The following EXD1 variants were observed in gnomAD, a reference collection of about 807,000 sequenced individuals.
EXD1 encodes piRNA biogenesis protein EXD1.
EXD1 carries 63 observed loss-of-function variants against 49.1 expected under a neutral mutation model. The observed-to-expected ratio is 1.28, with a 90% CI of 1.05 to 1.58. EXD1 has a LOEUF of 1.58. Among genes scored for constraint, EXD1 ranks in the 40% most tolerant of loss-of-function variants. The pLI, the probability that EXD1 is intolerant of heterozygous loss-of-function variation, is 0.00. For synonymous variants in EXD1, 234 were observed against 239.2 expected (o/e 0.98, Z 0.20); for missense variants, 748 against 666.0 (o/e 1.12, Z -1.36).
intron 9 of EXD1, among the ~76,000 whole-genome samples, chr15:41,194,038 G>GTCT (rs1305266826): frequency 5.3e-5 from 7 of 131,250 alleles, no homozygotes; most frequent in African/African-American, 1.5e-4. Context: ...GTGAGACGGA[G>GTCT]TCTTGCTCTC....
At chr15:41,186,927 C>T (rs1343025669) in intron 11 of EXD1, among the ~76,000 whole-genome samples, 8 of 150,258 alleles carry the variant, frequency 5.3e-5, no homozygotes, top group Non-Finnish European at 8.9e-5. Flanking sequence ...GTTTCGAGCC[C>T]AGGCTGGAGT....
In EXD1 at chr15:41,192,603, T is replaced by A. The variant is rs1370116679; in HGVS notation, c.721-1018A>T. On this transcript the variant is annotated intron_variant, in intron 9 of 11. Transcript: ENST00000458580. ...AACCACTGCGCCAGGCATTTTTTTT[T>A]TTTTTTTTTTTTTTTTTTTTTTTTT... Among the ~76,000 whole-genome samples the A allele has an allele frequency of 7.8e-5, 7 of 90,074 alleles. 2 individuals are homozygous for A. The highest frequency in any genetic ancestry group is 1.5e-4 in the Non-Finnish European group (7 of 46,964). The allele number at this position is 90,074 out of a possible 152,430, so 59.1% of individuals were successfully genotyped here.
intron 6 of EXD1, among the ~76,000 whole-genome samples, chr15:41,211,268 T>G (rs2046917258): frequency 1.3e-5 from 2 of 151,908 alleles, no homozygotes; most frequent in African/African-American, 4.8e-5. Flanking sequence ...TGTGCCACCA[T>G]GCCCAGCTAA....
In EXD1 at chr15:41,189,920, C is replaced by CA. The variant is rs1424241380; in HGVS notation, c.1056+16dup. ...GAAGGCAGAAAGGAGGTCCTGAAGA[C>CA]AGAGAGCTGCACCTACCTCAGTGCC... On this transcript the variant is annotated intron_variant, in intron 11 of 11. Transcript: ENST00000458580. 1 of 1,609,800 alleles carries CA rather than the reference C, an allele frequency of 6.2e-7. No homozygotes were observed. Among genetic ancestry groups the CA allele is most frequent in the Admixed American group, 1.7e-5 (1 of 59,844 alleles).
chr15:41,212,188 G>A (rs1370162773), intron 6 of EXD1, among the ~76,000 whole-genome samples: 2 of 152,118 alleles, frequency 1.3e-5, no homozygotes, highest in Admixed American at 6.6e-5. Flanking sequence ...AGTGGCTCAC[G>A]CCTGTAGTCC....
At position 41,195,765 on chromosome 15, in the gene EXD1, C is replaced by T. The variant is rs202195861; in HGVS notation, c.720+10G>A. The T allele has an allele frequency of 8.7e-6, 14 of 1,608,564 alleles. No homozygotes were observed. Among genetic ancestry groups the T allele is most frequent in the Non-Finnish European group, 1.2e-5 (14 of 1,177,958 alleles). On this transcript the variant is annotated intron_variant, in intron 9 of 11. Transcript: ENST00000458580. ...ATACTGGTTTGAATCCAGTGCTTCC[C>T]TTCATGTACCTGTGTGTCAAAGACA...
chr15:41,213,411 G>A (rs1012423632), intron 6 of EXD1, among the ~76,000 whole-genome samples: 2 of 151,894 alleles, frequency 1.3e-5, no homozygotes, highest in African/African-American at 4.8e-5. Context: ...ATGTTGGTCG[G>A]GCTGGTCTCA....
intron 7 of EXD1, among the ~76,000 whole-genome samples, chr15:41,208,520 A>G (rs1321068433): frequency 6.6e-6 from 1 of 152,000 alleles, no homozygotes. Context: ...TGGGAGGCCG[A>G]GGTGGGTGGA....
At chr15:41,206,463 G>C in intron 7 of EXD1, among the ~76,000 whole-genome samples, 1 of 120,932 alleles carries the variant, frequency 8.3e-6, no homozygotes, top group South Asian at 2.9e-4. Context: ...GCAACAGAGA[G>C]ACCCTGTCTC....
chr15:41,218,872 T>C (rs1301250352), intron 3 of EXD1, among the ~76,000 whole-genome samples: 1 of 152,174 alleles, frequency 6.6e-6, no homozygotes, highest in East Asian at 1.9e-4. Context: ...TTTGGTAAGA[T>C]TTTCATTTCC....
chr15:41,191,309 G>A (rs1354466110), intron 10 of EXD1, 133 bp downstream of exon 10: 1 of 750,390 alleles, frequency 1.3e-6, no homozygotes, highest in Non-Finnish European at 2.1e-6. Context: ...ATTCCCATTT[G>A]GTACAGTTAA....
At chr15:41,209,624 G>T in intron 6 of EXD1, 37 bp from the exon 7 acceptor site, 1 of 1,569,194 alleles carries the variant, frequency 6.4e-7, no homozygotes, top group Non-Finnish European at 8.8e-7. Flanking sequence ...AACTTTCAGG[G>T]AATAAATGTT....
chr15:41,212,040 C>T (rs1231829925), intron 6 of EXD1, among the ~76,000 whole-genome samples: 1 of 152,074 alleles, frequency 6.6e-6, no homozygotes, highest in Non-Finnish European at 1.5e-5. Flanking sequence ...CTCATGGAAA[C>T]ATTCAACATC....
rs554520624 is a variant in EXD1, at chr15:41,191,002, C to T, written c.864+440G>A. On this transcript the variant is annotated intron_variant, in intron 10 of 11. Transcript: ENST00000458580. ...GATCTCAGCTCACCGCAATGTCCAC[C>T]GCCCCTGCCCCCAACTCCAAGTTCA... Among the ~76,000 whole-genome samples, 21 of 152,154 alleles carry T rather than the reference C, an allele frequency of 1.4e-4. No individual in the cohort carries two copies. The South Asian group carries it at 3.1e-3, about 23-fold the overall frequency.
At chr15:41,208,613 G>A (rs2046872198) in intron 7 of EXD1, among the ~76,000 whole-genome samples, 1 of 151,850 alleles carries the variant, frequency 6.6e-6, no homozygotes. Context: ...TTAGCCAGGT[G>A]TGGTGGCGCA....
chr15:41,186,933 G>C (rs2046418348), intron 11 of EXD1, among the ~76,000 whole-genome samples: 1 of 146,110 alleles, frequency 6.8e-6, no homozygotes, highest in African/African-American at 2.6e-5. Context: ...AGCCCAGGCT[G>C]GAGTGCAATG....
intron 7 of EXD1, among the ~76,000 whole-genome samples, chr15:41,197,190 T>TA (rs1409346138): frequency 1.3e-5 from 2 of 151,104 alleles, no homozygotes; most frequent in East Asian, 1.9e-4. Context: ...TGTTCTTAAG[T>TA]AAAAAAAGTA....
intron 6 of EXD1, among the ~76,000 whole-genome samples, chr15:41,213,634 G>T (rs2046956132): frequency 6.6e-6 from 1 of 151,972 alleles, no homozygotes; most frequent in African/African-American, 2.4e-5. Context: ...CAGTAACTGG[G>T]ATTACAAGTG....
chr15:41,183,484 A>T lies in EXD1; in HGVS notation c.*447T>A, dbSNP rs1317603211. ...GTAAAAAAAAATAAATAAAACAAAT[A>T]AATAAAAAGGAAAAAAGTACTGGTA... On this transcript the variant is annotated 3_prime_UTR_variant, in exon 12 of 12. Coordinates refer to ENST00000458580, the MANE Select transcript of EXD1 (RefSeq NM_001286441.2). The T allele has an allele frequency of 6.5e-6, 1 of 153,266 alleles. No homozygotes were observed. Among genetic ancestry groups the T allele is most frequent in the Non-Finnish European group, 1.5e-5 (1 of 68,844 alleles). The allele number at this position is 153,266 out of a possible 1,614,324, so 9.5% of individuals were successfully genotyped here. A position where few individuals can be genotyped will look rare whatever the true frequency, so the allele number is the denominator to read the frequency against.
Sources: gnomAD v4.1 joint callset for allele counts (sites outside exome capture counted in the v4.1 genomes callset) on GRCh38, gnomAD v4.1.1 for gene constraint, MANE v1.5 for transcripts, NCBI Gene and HGNC (gene_info 2026-07-23, HGNC 2026-07-21) for gene names.